Variants in XPC observed in about 807,000 individuals in gnomAD.
The protein encoded by XPC is DNA repair protein complementing XP-C cells.
Under a neutral mutation model 95.8 loss-of-function variants are expected in XPC, and 76 were observed. The ratio of observed to expected loss-of-function variants is 0.79; its 90% CI spans 0.66 to 0.96. The LOEUF (loss-of-function observed/expected upper bound fraction) is 0.96, where lower values mean the gene tolerates loss of function less well. Ranked by LOEUF, XPC falls within the 40% of genes least tolerant of loss-of-function variation. The pLI, the probability that XPC is intolerant of heterozygous loss-of-function variation, is 0.00. For synonymous variants in XPC, 442 were observed against 442.1 expected (o/e 1.00, Z 0.00); for missense variants, 1,146 against 1,179.8 (o/e 0.97, Z 0.42).
chr3:14,146,937 T>A (rs1292495765), intron 15 of XPC, among the ~76,000 whole-genome samples: 3 of 152,202 alleles, frequency 2.0e-5, no homozygotes, highest in African/African-American at 7.2e-5. Flanking sequence ...GCCTGCAGCA[T>A]GGTCACAGGC....
At chr3:14,146,723 G>C (rs543845570) in intron 15 of XPC, among the ~76,000 whole-genome samples, 1 of 152,308 alleles carries the variant, frequency 6.6e-6, no homozygotes, top group Non-Finnish European at 1.5e-5. Context: ...CAGCACAGAG[G>C]GTTGGAGAGA....
At position 14,158,928 on chromosome 3, in the gene XPC, C is replaced by T. The variant is rs1696056899; in HGVS notation, c.991-36G>A. On this transcript the variant is annotated intron_variant, in intron 8 of 15. Transcript: ENST00000285021. This position sits in a 1 kb window ranked among gnomAD's most constrained non-coding sequence, Gnocchi z 5.2. Reference sequence around the variant, plus strand: ...ATAAGAAATTTTGCTTTTTTTTCTCCCCCCTCTTTTGCTAATGATATGATA... The same window carrying T: ...ATAAGAAATTTTGCTTTTTTTTCTCTCCCCTCTTTTGCTAATGATATGATA... 4 of 1,611,658 alleles carry T rather than the reference C, an allele frequency of 2.5e-6. No homozygotes were observed. The highest frequency in any genetic ancestry group is 3.4e-6 in the Non-Finnish European group (4 of 1,179,542).
chr3:14,153,962 G>A (rs1030281798), intron 10 of XPC, among the ~76,000 whole-genome samples: 1 of 152,194 alleles, frequency 6.6e-6, no homozygotes, highest in South Asian at 2.1e-4. Context: ...TGTCATGGTC[G>A]TGGTCTTCAG....
At chr3:14,176,661 C>T (rs2607768) in intron 1 of XPC, among the ~76,000 whole-genome samples, 26,598 of 152,206 alleles carry the variant, frequency 0.17, 2,799 homozygotes, top group Non-Finnish European at 0.23. Flanking sequence ...ATTACCATTT[C>T]ACTATTTCCT....
chr3:14,147,448 A>G (rs1695487138), intron 14 of XPC, 69 bp from the exon 15 acceptor site: 1 of 1,438,484 alleles, frequency 7.0e-7, no homozygotes, highest in Non-Finnish European at 9.6e-7. Flanking sequence ...ATTAAGATGG[A>G]AACTGTGAAT....
chr3:14,158,727 T>A lies in XPC; in HGVS notation c.1156A>T (p.Asn386Tyr). The A allele has an allele frequency of 6.2e-7, 1 of 1,613,908 alleles. No individual in the cohort carries two copies. Among genetic ancestry groups the A allele is most frequent in the Non-Finnish European group, 8.5e-7 (1 of 1,179,894 alleles). ...CTCCGTTTCTTTCTGCCTCCCTTGT[T>A]CCTCTTCCCTTTGGCACTTGGCCTG... ...TCRPSAKGKR[N>Y]KGGRKKRSKP... The change falls in exon 9 of 16, where the codon AAC becomes TAC. Residue 386 changes from asparagine to tyrosine, a missense_variant. Transcript: ENST00000285021. The surrounding 1 kb of genome is among the most constrained non-coding windows in gnomAD (Gnocchi z 5.2).
At chr3:14,157,241 G>A (rs754358149) in intron 9 of XPC, among the ~76,000 whole-genome samples, 5 of 152,070 alleles carry the variant, frequency 3.3e-5, no homozygotes, top group African/African-American at 7.2e-5. Flanking sequence ...GCATTACTAA[G>A]TAAAATGCAC....
intron 3 of XPC, among the ~76,000 whole-genome samples, chr3:14,169,889 A>G (rs528237777): frequency 6.6e-6 from 1 of 152,352 alleles, no homozygotes; most frequent in South Asian, 2.1e-4. Context: ...AAGTCAGGCC[A>G]GACAGAAGGA....
rs188857480 is a variant in XPC at position 14,177,810 on chromosome 3, G to T, written c.103+656C>A. On this transcript the variant is annotated intron_variant, in intron 1 of 15. Transcript: ENST00000285021. ...CTGAAAGGTGATGATGACTTGGACA[G>T]GGGCTGTGGTCATGGAAATGAAGAG... is the stretch of plus-strand genomic sequence containing the variant. 3.1e-4 allele frequency among the ~76,000 whole-genome samples: 47 copies of T among 151,876 alleles called. 1 individual carries two copies. The East Asian group carries it at 3.5e-3, about 11-fold the overall frequency.
At chr3:14,152,470 G>A (rs1695733472) in intron 10 of XPC, 54 bp from the exon 11 acceptor site, 3 of 1,536,062 alleles carry the variant, frequency 2.0e-6, no homozygotes, top group Non-Finnish European at 1.8e-6. Context: ...CCCACTGCGG[G>A]AATGCGGGAC....
chr3:14,162,760 G>A (rs1696212499), intron 7 of XPC, among the ~76,000 whole-genome samples: 1 of 152,140 alleles, frequency 6.6e-6, no homozygotes, highest in Admixed American at 6.5e-5. Context: ...AAGAAAAATA[G>A]GTAACTTGGA....
rs752558061 is a variant in XPC, at chr3:14,146,004, G to C, written c.2760C>G (p.Pro920=). ...DEEKQKLKGG[P]KKTKREKKAA... ...CTTTCTTTTCCCTTTTGGTCTTCTTGGGCCCACCCTTCAGCTTCTGCTTTT... is the reference window on the plus strand; with the variant it reads ...CTTTCTTTTCCCTTTTGGTCTTCTTCGGCCCACCCTTCAGCTTCTGCTTTT... The change falls in exon 16 of 16, where the codon CCC becomes CCG. Residue 920 remains proline (P), a synonymous_variant. Coordinates refer to ENST00000285021, the MANE Select transcript of XPC (RefSeq NM_004628.5). The C allele has an allele frequency of 6.2e-7, 1 of 1,611,518 alleles. No homozygotes were observed. The highest frequency in any genetic ancestry group is 1.7e-5 in the Admixed American group (1 of 59,914).
At chr3:14,164,038 G>A (rs1367519608) in intron 7 of XPC, among the ~76,000 whole-genome samples, 2 of 152,230 alleles carry the variant, frequency 1.3e-5, no homozygotes, top group East Asian at 3.8e-4. Flanking sequence ...GGCAGAGAGA[G>A]ACTCTGTCTC....
chr3:14,156,345 C>A lies in XPC; in HGVS notation c.2023G>T (p.Val675Phe), dbSNP rs758103200. Residue 675 changes from valine to phenylalanine, a missense_variant, in exon 10 of 16, where the codon GTC (valine) becomes TTC (phenylalanine). Transcript: ENST00000285021. The part of the protein sequence containing the change: ...AILGYCRGEA[V>F]YSRDCVHTLH... ...GGCTGCCTCACGCACCTGGAGTAGA[C>A]CGCTTCTCCACGACAATACCCAAGG... 1.9e-6 allele frequency: 3 copies of A among 1,613,482 alleles called. No homozygotes were observed. The highest frequency in any genetic ancestry group is 1.7e-5 in the Admixed American group (1 of 59,948).
intron 4 of XPC, among the ~76,000 whole-genome samples, 186 bp downstream of exon 4, chr3:14,168,071 A>T (rs1296898863): frequency 1.3e-5 from 2 of 152,158 alleles, no homozygotes; most frequent in Non-Finnish European, 2.9e-5. Context: ...ATCCCTCACC[A>T]GCCCCAGCCA....
intron 7 of XPC, chr3:14,164,453 T>C (rs576394005): frequency 3.5e-5 from 7 of 201,576 alleles, no homozygotes; most frequent in Non-Finnish European, 7.0e-5. Flanking sequence ...AGCATCCAAT[T>C]TGAAAAAACA....
At chr3:14,167,415 C>T in intron 4 of XPC, 162 bp from the exon 5 acceptor site, 1 of 619,128 alleles carries the variant, frequency 1.6e-6, no homozygotes, top group South Asian at 2.4e-5. Flanking sequence ...CTATTTCCTG[C>T]AGGCTCTTTG....
Position 14,165,540 on chromosome 3 carries a change from T to C in XPC, c.667A>G (p.Ile223Val), listed in dbSNP as rs1167484301. 1 of 1,612,700 alleles carries C rather than the reference T, an allele frequency of 6.2e-7. No individual in the cohort carries two copies. Among genetic ancestry groups the C allele is most frequent in the Non-Finnish European group, 8.5e-7 (1 of 1,179,508 alleles). Residue 223 changes from isoleucine (I) to valine (V), a missense_variant, in exon 6 of 16, where the codon ATC becomes GTC. Coordinates refer to ENST00000285021, the MANE Select transcript of XPC (RefSeq NM_004628.5). ...LLANGFYRNN[I>V]CSQPDLHAIG... Reference sequence around the variant, plus strand: ...GCATGCAGATCTGGCTGGCTGCAGATGTTATTTCGATAGAAGCCATTTGCT... The same window carrying C: ...GCATGCAGATCTGGCTGGCTGCAGACGTTATTTCGATAGAAGCCATTTGCT...
At chr3:14,167,518 C>T (rs1696431680) in intron 4 of XPC, among the ~76,000 whole-genome samples, 1 of 152,192 alleles carries the variant, frequency 6.6e-6, no homozygotes, top group Non-Finnish European at 1.5e-5. Flanking sequence ...ACCTACATGC[C>T]TCAAAGCTCA....
Sources: allele counts gnomAD v4.1 joint callset (sites outside exome capture counted in the v4.1 genomes callset), GRCh38; gene constraint gnomAD v4.1.1; non-coding constraint Gnocchi (gnomAD v3.1); transcripts MANE v1.5; gene names NCBI Gene and HGNC (gene_info 2026-07-23, HGNC 2026-07-21).